FOXP2: variants seen among roughly 807,000 people sequenced by gnomAD.
FOXP2 encodes forkhead box P2, also known as forkhead box protein P2.
In FOXP2, 12 loss-of-function variants were observed where a neutral mutation model predicts 115.8. That is an observed-to-expected ratio of 0.10 (90% CI 0.07 to 0.17). The LOEUF (loss-of-function observed/expected upper bound fraction) is 0.17. Among genes scored for constraint, FOXP2 ranks in the 10% least tolerant of loss-of-function variants. The pLI is 1.00. For missense variants in FOXP2, 629 were observed against 843.5 expected, an observed-to-expected ratio of 0.75 and a Z score of 3.15; for synonymous variants, 328 against 297.7, an observed-to-expected ratio of 1.10 and a Z score of -1.05.
At chr7:114,400,958 G>T (rs1051893950) in intron 2 of FOXP2, among the ~76,000 whole-genome samples, 1 of 151,952 alleles carries the variant, frequency 6.6e-6, no homozygotes, top group Admixed American at 6.6e-5. Flanking sequence ...GGGGTCAGTG[G>T]GTGAAAAATT....
In FOXP2 at chr7:114,691,722, G is replaced by T. The variant is rs1172781528; in HGVS notation, c.*1796G>T. On this transcript the variant is annotated 3_prime_UTR_variant, in exon 17 of 17. Coordinates refer to ENST00000350908, the MANE Select transcript of FOXP2 (RefSeq NM_014491.4). ...TGCTTTACAAACAGTTTTGACAGAAGGTGGCTGCTAGAGCTTAACATACGT... is the reference window on the plus strand; with the variant it reads ...TGCTTTACAAACAGTTTTGACAGAATGTGGCTGCTAGAGCTTAACATACGT... 2.2e-6 allele frequency: 1 copy of T among 454,028 alleles called. No homozygotes were observed. Among genetic ancestry groups the T allele is most frequent in the Non-Finnish European group, 4.4e-6 (1 of 226,704 alleles). 28.1% of individuals were successfully genotyped at this position (454,028 alleles called of 1,614,324 possible).
chr7:114,553,493 T>A (rs1195507771), intron 3 of FOXP2, among the ~76,000 whole-genome samples: 5 of 152,220 alleles, frequency 3.3e-5, no homozygotes, highest in Admixed American at 6.5e-5. Context: ...AGTTCATTAA[T>A]GTACATGCTC....
At chr7:114,149,789 G>C (rs1213486952) in intron 1 of FOXP2, among the ~76,000 whole-genome samples, 1 of 151,986 alleles carries the variant, frequency 6.6e-6, no homozygotes, top group Non-Finnish European at 1.5e-5. Flanking sequence ...GATAAAATTA[G>C]ACTCAATTTT....
chr7:114,100,633 T>C (rs1395146165), intron 1 of FOXP2, among the ~76,000 whole-genome samples: 4 of 152,204 alleles, frequency 2.6e-5, no homozygotes, highest in African/African-American at 7.2e-5. Context: ...TTGTGATTAA[T>C]ACATTTCATA....
At chr7:114,596,083 A>G (rs184901159) in intron 3 of FOXP2, among the ~76,000 whole-genome samples, 34 of 151,386 alleles carry the variant, frequency 2.2e-4, no homozygotes, top group African/African-American at 8.1e-4. Context: ...AGAGGCAGTC[A>G]TCTCATTATC....
intron 3 of FOXP2, among the ~76,000 whole-genome samples, chr7:114,556,763 T>C (rs1350994814): frequency 6.6e-6 from 1 of 152,228 alleles, no homozygotes; most frequent in East Asian, 1.9e-4. Context: ...CTGATAAGCT[T>C]TCTGATTAAG....
chr7:114,618,525 A>G (rs1051870299), intron 3 of FOXP2, among the ~76,000 whole-genome samples: 4 of 152,170 alleles, frequency 2.6e-5, no homozygotes, highest in African/African-American at 9.7e-5. Flanking sequence ...GGGATTTAAC[A>G]AGGACATACT....
Position 114,629,810 on chromosome 7 carries a change from A to G in FOXP2, c.402A>G (p.Gln134=). 6.2e-7 allele frequency: 1 copy of G among 1,613,600 alleles called. No individual in the cohort carries two copies. The highest frequency in any genetic ancestry group is 8.5e-7 in the Non-Finnish European group (1 of 1,179,972). Residue 134 remains glutamine, a synonymous_variant, in exon 5 of 17, where the codon CAA becomes CAG. Transcript: ENST00000350908. ...QQQAVMLQQQ[Q]LQEFYKKQQE... is the part of the protein sequence containing the mutation. ...AGTCAAAATGGTTTATTCAGCAACA[A>G]CTACAAGAGTTTTACAAGAAACAGC...
intron 1 of FOXP2, among the ~76,000 whole-genome samples, chr7:114,267,825 A>G (rs1773193684): frequency 6.6e-6 from 1 of 151,034 alleles, no homozygotes; most frequent in South Asian, 2.1e-4. Flanking sequence ...CATTTTAACA[A>G]TTTTTAAGTG....
rs188425470 is a variant in FOXP2, at chr7:114,496,936, T to C, written c.169-37681T>C. Reference sequence around the variant, plus strand: ...TGGACTTACTAAATATTTGTTAATTTGCTGTACTAAGCACACTCAAGTTAC... The same window carrying C: ...TGGACTTACTAAATATTTGTTAATTCGCTGTACTAAGCACACTCAAGTTAC... On this transcript the variant is annotated intron_variant, in intron 2 of 16. Coordinates refer to ENST00000350908, the MANE Select transcript of FOXP2 (RefSeq NM_014491.4). 1.2e-4 allele frequency among the ~76,000 whole-genome samples: 18 copies of C among 152,310 alleles called. 1 individual carries two copies. Among genetic ancestry groups the C allele is most frequent in the Admixed American group, 1.1e-3 (17 of 15,288 alleles).
intron 2 of FOXP2, among the ~76,000 whole-genome samples, chr7:114,446,532 T>G (rs1220361039): frequency 1.3e-5 from 2 of 152,012 alleles, no homozygotes; most frequent in Non-Finnish European, 2.9e-5. Context: ...GAGATCATAC[T>G]TTTTTAAAAA....
At chr7:114,173,128 T>C (rs1373887154) in intron 1 of FOXP2, among the ~76,000 whole-genome samples, 1 of 152,010 alleles carries the variant, frequency 6.6e-6, no homozygotes, top group Non-Finnish European at 1.5e-5. Context: ...GTTCATGGTT[T>C]CTTTCCTTAA....
intron 1 of FOXP2, among the ~76,000 whole-genome samples, chr7:114,211,810 C>T (rs1011757166): frequency 2.0e-5 from 3 of 152,174 alleles, no homozygotes; most frequent in East Asian, 3.9e-4. Context: ...CGATGGCTCA[C>T]GCCTGTAATC....
chr7:114,498,290 A>G (rs544623765), intron 2 of FOXP2, among the ~76,000 whole-genome samples: 1 of 152,298 alleles, frequency 6.6e-6, no homozygotes, highest in African/African-American at 2.4e-5. Context: ...GAGCTCCACA[A>G]TGGTTTGGAC....
At chr7:114,590,117 A>T (rs1802370940) in intron 3 of FOXP2, among the ~76,000 whole-genome samples, 1 of 152,064 alleles carries the variant, frequency 6.6e-6, no homozygotes, top group South Asian at 2.1e-4. Context: ...ACATTCCCCT[A>T]CCTAACGAGC....
rs375257177 is a variant in FOXP2, at chr7:114,609,201, G to T, written c.259-19339G>T. 1.7e-4 allele frequency among the ~76,000 whole-genome samples: 26 copies of T among 149,754 alleles called. No individual in the cohort carries two copies. The East Asian group carries it at 3.7e-3, about 21-fold the overall frequency. ...GCACTCCAGCCTGGATGACAGAGTG[G>T]GACTCTGTCTCAAAAAAAAAAAAAA... is the stretch of plus-strand genomic sequence containing the variant. On this transcript the variant is annotated intron_variant, in intron 3 of 16. Transcript: ENST00000350908.
chr7:114,653,657 C>T (rs148356532), intron 9 of FOXP2, among the ~76,000 whole-genome samples: 8 of 151,982 alleles, frequency 5.3e-5, no homozygotes, highest in Admixed American at 1.3e-4. Flanking sequence ...TTGTTACTGT[C>T]GAGGCAACTG....
intron 3 of FOXP2, among the ~76,000 whole-genome samples, chr7:114,598,168 G>A (rs1802826935): frequency 1.3e-5 from 2 of 152,026 alleles, no homozygotes; most frequent in African/African-American, 4.8e-5. Flanking sequence ...TAAGAAAAAG[G>A]GATTGTTAGT....
At chr7:114,394,299 T>G (rs1428482707) in intron 2 of FOXP2, among the ~76,000 whole-genome samples, 1 of 152,002 alleles carries the variant, frequency 6.6e-6, no homozygotes, top group Non-Finnish European at 1.5e-5. Flanking sequence ...TGGAGACATT[T>G]GGAGCTTGAA....
Sources: allele counts gnomAD v4.1 joint callset (sites outside exome capture counted in the v4.1 genomes callset), GRCh38; gene constraint gnomAD v4.1.1; transcripts MANE v1.5; gene names NCBI Gene and HGNC (gene_info 2026-07-23, HGNC 2026-07-21).